The following KANSL3 variants were observed in gnomAD, a reference collection of about 807,000 sequenced individuals.
The protein encoded by KANSL3 is NSL complex protein NSL3.
In KANSL3, 16 loss-of-function variants were observed where a neutral mutation model predicts 89.2. The observed-to-expected ratio is 0.18, with a 90% CI of 0.12 to 0.27. KANSL3 has a LOEUF of 0.27. Among genes scored for constraint, KANSL3 ranks in the 10% least tolerant of loss-of-function variants. KANSL3 has a pLI of 1.00. For missense variants in KANSL3, 879 were observed against 1,110.6 expected, an observed-to-expected ratio of 0.79 and a Z score of 2.96; for synonymous variants, 385 against 419.7, an observed-to-expected ratio of 0.92 and a Z score of 1.01.
chr2:96,609,104 A>G, intron 12 of KANSL3, 40 bp from the exon 13 acceptor site: 1 of 1,505,212 alleles, frequency 6.6e-7, no homozygotes, highest in Non-Finnish European at 9.0e-7. Flanking sequence ...TTTAGTCCTC[A>G]TCTGGAGAAT....
At position 96,604,385 on chromosome 2, in the gene KANSL3, A is replaced by T; in HGVS notation, c.2019-5T>A. ...CCACCTTCAGAAGAACTGGACCTGG[A>T]GACAAAGGAAGGAGCTCTGTTATCC... On this transcript the variant is annotated splice_polypyrimidine_tract_variant and splice_region_variant and intron_variant, in intron 16 of 20. Coordinates refer to ENST00000431828, the MANE Select transcript of KANSL3 (RefSeq NM_001115016.3). The T allele has an allele frequency of 6.2e-7, 1 of 1,609,192 alleles. No individual in the cohort carries two copies. The highest frequency in any genetic ancestry group is 8.5e-7 in the Non-Finnish European group (1 of 1,179,584).
chr2:96,608,468 A>G (rs747046230), intron 14 of KANSL3, 40 bp downstream of exon 14: 1 of 1,609,696 alleles, frequency 6.2e-7, no homozygotes, highest in Non-Finnish European at 8.5e-7. Context: ...TGAACTACAG[A>G]AGACAGACCC....
chr2:96,581,743 T>TTTCTTTC, the KANSL3 span, among the ~76,000 whole-genome samples: 1 of 152,246 alleles, frequency 6.6e-6, no homozygotes, highest in Non-Finnish European at 1.5e-5. Context: ...TGAGTACTTC[T>TTTCTTTC]AAATGTTTCT....
rs1392084284 is a variant in KANSL3, at chr2:96,593,236, C to G, written c.*2375G>C. 3 of 456,080 alleles carry G rather than the reference C, an allele frequency of 6.6e-6. No individual in the cohort carries two copies. Among genetic ancestry groups the G allele is most frequent in the Middle Eastern group, 3.3e-4 (1 of 3,070 alleles). 28.3% of individuals were successfully genotyped at this position (456,080 alleles called of 1,614,324 possible). On this transcript the variant is annotated 3_prime_UTR_variant, in exon 21 of 21. Coordinates refer to ENST00000431828, the MANE Select transcript of KANSL3 (RefSeq NM_001115016.3). ...ACAGAACCATCACAGCCGCTCAGCTCTATAACCCATCCAGCCCAAGACTGT... is the reference window on the plus strand; with the variant it reads ...ACAGAACCATCACAGCCGCTCAGCTGTATAACCCATCCAGCCCAAGACTGT...
the KANSL3 span, among the ~76,000 whole-genome samples, chr2:96,586,701 A>G: frequency 6.6e-6 from 1 of 152,226 alleles, no homozygotes; most frequent in African/African-American, 2.4e-5. Context: ...ATCATCGCAC[A>G]CTACAGGCTT....
rs116034599 is a variant in KANSL3, at chr2:96,623,838, G to T, written c.387-4076C>A. 5.8e-3 allele frequency among the ~76,000 whole-genome samples: 887 copies of T among 152,352 alleles called. 3 individuals are homozygous for T. Among genetic ancestry groups the T allele is most frequent in the Middle Eastern group, 0.01 (3 of 294 alleles). ...AAAGTTGAGAGCAGTCGAAATCCGA[G>T]ATTAGAGAAACAAAATGGGATGACT... On this transcript the variant is annotated intron_variant, in intron 3 of 20. Coordinates refer to ENST00000431828, the MANE Select transcript of KANSL3 (RefSeq NM_001115016.3).
chr2:96,617,722 G>A (rs1469386228), intron 5 of KANSL3, among the ~76,000 whole-genome samples: 1 of 151,914 alleles, frequency 6.6e-6, no homozygotes, highest in Non-Finnish European at 1.5e-5. Context: ...GTGTGGCAGG[G>A]CACGGCAGCT....
intron 2 of KANSL3, among the ~76,000 whole-genome samples, chr2:96,634,528 A>T (rs972505578): frequency 2.0e-5 from 3 of 151,904 alleles, no homozygotes; most frequent in South Asian, 2.1e-4. Context: ...AAAAAAAAAG[A>T]AAGTAAGAAA....
At chr2:96,592,977 C>T (rs2066317433), downstream of KANSL3, among the ~76,000 whole-genome samples, 1 of 150,698 alleles carries the variant, frequency 6.6e-6, no homozygotes, top group African/African-American at 2.4e-5. Context: ...CACTCCAGCC[C>T]AAATAACAAT....
intron 7 of KANSL3, 37 bp downstream of exon 7, chr2:96,612,781 C>T (rs1362563991): frequency 6.8e-7 from 1 of 1,470,268 alleles, no homozygotes; most frequent in Non-Finnish European, 9.3e-7. Flanking sequence ...GACTATATTC[C>T]CTGCCAGGAA....
At chr2:96,624,115 A>G (rs1332873302) in intron 3 of KANSL3, among the ~76,000 whole-genome samples, 2 of 152,252 alleles carry the variant, frequency 1.3e-5, no homozygotes, top group African/African-American at 4.8e-5. Flanking sequence ...AAGGGATGAA[A>G]GCCTCAACTC....
the KANSL3 span, among the ~76,000 whole-genome samples, chr2:96,584,353 A>C: frequency 6.6e-6 from 1 of 152,312 alleles, no homozygotes; most frequent in Admixed American, 6.5e-5. Flanking sequence ...AATTGTATGT[A>C]TTTATGGGGC....
In KANSL3 at chr2:96,627,983, A is replaced by C. The variant is rs1334654859; in HGVS notation, c.386+3329T>G. 3 of 1,290,054 alleles carry C rather than the reference A, an allele frequency of 2.3e-6. No individual in the cohort carries two copies. The South Asian group carries it at 3.7e-5, about 16-fold the overall frequency. 79.9% of individuals were successfully genotyped at this position (1,290,054 alleles called of 1,614,324 possible). On this transcript the variant is annotated intron_variant, in intron 3 of 20. Transcript: ENST00000431828. ...GAAGGCCTCCAAAATCTCATCAGAC[A>C]CTAAGAAAACAAATAATCTGATAAA...
chr2:96,612,587 C>T (rs750098641), intron 7 of KANSL3, 24 bp from the exon 8 acceptor site: 4 of 1,569,324 alleles, frequency 2.5e-6, no homozygotes, highest in East Asian at 4.5e-5. Flanking sequence ...GTAGCCCCCA[C>T]ACCAGCAGAG....
At chr2:96,627,613 C>G (rs905652460) in intron 3 of KANSL3, among the ~76,000 whole-genome samples, 3 of 152,166 alleles carry the variant, frequency 2.0e-5, no homozygotes, top group African/African-American at 7.2e-5. Flanking sequence ...CCTCCACAGA[C>G]AAAGAGCAAT....
the KANSL3 span, among the ~76,000 whole-genome samples, chr2:96,587,828 A>G: frequency 1.3e-5 from 2 of 152,234 alleles, no homozygotes; most frequent in Non-Finnish European, 2.9e-5. Context: ...GACATAAAGA[A>G]CAAAACAAAT....
intron 6 of KANSL3, among the ~76,000 whole-genome samples, chr2:96,613,194 C>A (rs2069329371): frequency 6.6e-6 from 1 of 152,092 alleles, no homozygotes; most frequent in Non-Finnish European, 1.5e-5. Context: ...GCCTGGCCAA[C>A]ATGGTGAAAT....
the KANSL3 span, among the ~76,000 whole-genome samples, chr2:96,587,621 C>T: frequency 1.3e-5 from 2 of 152,112 alleles, no homozygotes; most frequent in African/African-American, 4.8e-5. Flanking sequence ...CATCCAAAAC[C>T]ACTCAAAGAA....
the KANSL3 span, among the ~76,000 whole-genome samples, chr2:96,587,062 T>C: frequency 6.6e-6 from 1 of 152,238 alleles, no homozygotes; most frequent in Non-Finnish European, 1.5e-5. Context: ...TCAGAAAGTA[T>C]ATGTTGTCCA....
Sources: gnomAD v4.1 joint callset for allele counts (sites outside exome capture counted in the v4.1 genomes callset) on GRCh38, gnomAD v4.1.1 for gene constraint, MANE v1.5 for transcripts, NCBI Gene and HGNC (gene_info 2026-07-23, HGNC 2026-07-21) for gene names.